Variants in FAM135B observed in about 807,000 individuals in gnomAD.
The protein encoded by FAM135B is family with sequence similarity 135 member B.
In FAM135B, 43 loss-of-function variants were observed where a neutral mutation model predicts 127.7. The ratio of observed to expected loss-of-function variants is 0.34; its 90% CI spans 0.26 to 0.43. The LOEUF (loss-of-function observed/expected upper bound fraction) is 0.43. Among genes scored for constraint, FAM135B ranks in the 20% least tolerant of loss-of-function variants. FAM135B has a pLI of 1.00. For synonymous variants in FAM135B, 670 were observed against 665.1 expected, an observed-to-expected ratio of 1.01 and a Z score of -0.11; for missense variants, 1,558 against 1,725.6, an observed-to-expected ratio of 0.90 and a Z score of 1.72.
At position 138,474,967 on chromosome 8, in the gene FAM135B, C is replaced by T. The variant is rs1354320884; in HGVS notation, c.-20+21704G>A. 2.6e-5 allele frequency among the ~76,000 whole-genome samples: 4 copies of T among 152,186 alleles called. No individual in the cohort carries two copies. In the East Asian group the frequency reaches 7.7e-4, roughly 29 times the overall value. ...TTCATTGTCAGCCTCTTGCAGGATG[C>T]TTTTCCAGACCTGTCTGTGACACGC... On this transcript the variant is annotated intron_variant, in intron 1 of 19. Transcript: ENST00000395297.
intron 3 of FAM135B, among the ~76,000 whole-genome samples, chr8:138,299,102 AATAAATAAAAT>A: frequency 6.7e-6 from 1 of 149,296 alleles, no homozygotes; most frequent in African/African-American, 2.4e-5. Flanking sequence ...TAAATAAATA[AATAAATAAAAT>A]AAAAATAAAA....
intron 3 of FAM135B, among the ~76,000 whole-genome samples, chr8:138,303,202 T>C (rs533080164): frequency 6.6e-6 from 1 of 152,234 alleles, no homozygotes; most frequent in Admixed American, 6.5e-5. Context: ...CCATCAATGA[T>C]AGACTGGATA....
intron 12 of FAM135B, among the ~76,000 whole-genome samples, chr8:138,157,212 T>C (rs1256999428): frequency 3.3e-5 from 5 of 152,134 alleles, no homozygotes; most frequent in Non-Finnish European, 7.4e-5. Flanking sequence ...ATTATCTCAA[T>C]AGATGCAGAA....
intron 11 of FAM135B, among the ~76,000 whole-genome samples, chr8:138,176,277 C>A (rs1000029613): frequency 2.6e-5 from 4 of 152,192 alleles, no homozygotes; most frequent in African/African-American, 9.7e-5. Context: ...GAAGGTTTAC[C>A]TATTGTTGCA....
At chr8:138,253,672 C>T (rs1011332861) in intron 5 of FAM135B, among the ~76,000 whole-genome samples, 3 of 152,176 alleles carry the variant, frequency 2.0e-5, no homozygotes, top group African/African-American at 4.8e-5. Flanking sequence ...CTGGGCATGG[C>T]CACATGTCTC....
chr8:138,469,835 C>T (rs1449088954), intron 1 of FAM135B, among the ~76,000 whole-genome samples: 1 of 152,170 alleles, frequency 6.6e-6, no homozygotes, highest in Non-Finnish European at 1.5e-5. Flanking sequence ...ACACAGAGCT[C>T]TCAGTACATT....
intron 11 of FAM135B, among the ~76,000 whole-genome samples, chr8:138,172,198 T>C (rs1227467610): frequency 6.6e-6 from 1 of 152,222 alleles, no homozygotes. Flanking sequence ...TTGAGTTTAT[T>C]ATTAGCACAA....
In FAM135B at chr8:138,203,522, T is replaced by C. The variant is rs188019189; in HGVS notation, c.670-5853A>G. On this transcript the variant is annotated intron_variant, in intron 7 of 19. Transcript: ENST00000395297. ...CATATCCATCTAACGTGTCTTGCTGTTCTGATCTTACCTTCCACCTGCCGC... is the reference window on the plus strand; with the variant it reads ...CATATCCATCTAACGTGTCTTGCTGCTCTGATCTTACCTTCCACCTGCCGC... Among the ~76,000 whole-genome samples the C allele has an allele frequency of 5.3e-5, 8 of 152,328 alleles. No homozygotes were observed. In the East Asian group the frequency reaches 1.5e-3, roughly 29 times the overall value.
chr8:138,469,544 T>C (rs988609161), intron 1 of FAM135B, among the ~76,000 whole-genome samples: 13 of 152,244 alleles, frequency 8.5e-5, no homozygotes, highest in African/African-American at 2.9e-4. Context: ...ACAGAAAGCA[T>C]TAAGCTCACC....
intron 7 of FAM135B, among the ~76,000 whole-genome samples, chr8:138,206,939 A>C (rs1477434125): frequency 6.6e-6 from 1 of 151,784 alleles, no homozygotes; most frequent in East Asian, 1.9e-4. Context: ...CCACAACTCC[A>C]GCATCCCCTC....
chr8:138,491,142 CAA>C (rs796189435), intron 1 of FAM135B, among the ~76,000 whole-genome samples: 8 of 73,708 alleles, frequency 1.1e-4, no homozygotes, highest in Admixed American at 2.9e-4. Context: ...AACTCTCTCT[CAA>C]AAAAAAAAAA....
chr8:138,428,590 G>T (rs1835026118), intron 1 of FAM135B, among the ~76,000 whole-genome samples: 1 of 152,048 alleles, frequency 6.6e-6, no homozygotes, highest in African/African-American at 2.4e-5. Flanking sequence ...GTCAAGCAAT[G>T]CCCTCAAGTT....
At chr8:138,278,096 T>G (rs1823970980) in intron 3 of FAM135B, among the ~76,000 whole-genome samples, 1 of 151,972 alleles carries the variant, frequency 6.6e-6, no homozygotes, top group African/African-American at 2.4e-5. Flanking sequence ...CTAAACAAAC[T>G]TTCATGCTTG....
chr8:138,423,225 TTACC>T (rs1418734036), intron 1 of FAM135B, among the ~76,000 whole-genome samples: 1 of 152,176 alleles, frequency 6.6e-6, no homozygotes, highest in Non-Finnish European at 1.5e-5. Flanking sequence ...AAGGGGCAAC[TTACC>T]TATGTAAAAA....
At chr8:138,432,172 C>A (rs1263111693) in intron 1 of FAM135B, among the ~76,000 whole-genome samples, 6 of 152,182 alleles carry the variant, frequency 3.9e-5, no homozygotes, top group Non-Finnish European at 8.8e-5. Context: ...TGGACCCCAA[C>A]AGTGTCTGAT....
chr8:138,317,414 C>T (rs7816994), intron 2 of FAM135B, among the ~76,000 whole-genome samples: 134,055 of 152,168 alleles, frequency 0.88, 60,059 homozygotes, highest in Non-Finnish European at 0.97. Context: ...GTGAGATCCA[C>T]GTGGTGATGA....
intron 1 of FAM135B, among the ~76,000 whole-genome samples, chr8:138,393,392 T>G (rs937308313): frequency 6.6e-6 from 1 of 152,000 alleles, no homozygotes; most frequent in Non-Finnish European, 1.5e-5. Flanking sequence ...CTCACAAACT[T>G]TAACATGCTG....
intron 2 of FAM135B, among the ~76,000 whole-genome samples, chr8:138,339,946 A>C (rs1357169274): frequency 1.3e-5 from 2 of 152,198 alleles, no homozygotes; most frequent in African/African-American, 2.4e-5. Flanking sequence ...TCCAGCCTGC[A>C]GTGGGCACAG....
At chr8:138,239,676 G>A (rs1455605224) in intron 7 of FAM135B, among the ~76,000 whole-genome samples, 2 of 152,128 alleles carry the variant, frequency 1.3e-5, no homozygotes, top group African/African-American at 2.4e-5. Context: ...TATAAATCAT[G>A]CTGCTATAAA....
Sources: allele counts gnomAD v4.1 joint callset (sites outside exome capture counted in the v4.1 genomes callset), GRCh38; gene constraint gnomAD v4.1.1; transcripts MANE v1.5; gene names NCBI Gene and HGNC (gene_info 2026-07-23, HGNC 2026-07-21).